SLC25A13: variants seen among roughly 807,000 people sequenced by gnomAD.
The protein encoded by SLC25A13 is solute carrier family 25 member 13.
A neutral mutation model predicts 85.5 loss-of-function variants in SLC25A13; 70 were observed. The observed-to-expected ratio is 0.82, with a 90% CI of 0.68 to 1.00. SLC25A13 has a LOEUF of 1.00. SLC25A13 is among the 50% of genes least tolerant of loss of function. SLC25A13 has a pLI of 0.00. For missense variants in SLC25A13, 765 were observed against 819.8 expected (o/e 0.93, Z 0.82); for synonymous variants, 259 against 288.7 (o/e 0.90, Z 1.04).
At chr7:96,121,817 TA>T in intron 16 of SLC25A13, 21 bp downstream of exon 16, 1 of 1,614,176 alleles carries the variant, frequency 6.2e-7, no homozygotes, top group Non-Finnish European at 8.5e-7. Flanking sequence ...AAGAGTTAGT[TA>T]AGAACACATT....
chr7:96,322,055 G>T lies in SLC25A13; in HGVS notation c.-99C>A, dbSNP rs972820304. ...TTCTAGTCCCGGCGGCGGCGGCGGTGGGGGCGGCGATACGGCCAGGCAGCG... is the reference window on the plus strand; with the variant it reads ...TTCTAGTCCCGGCGGCGGCGGCGGTTGGGGCGGCGATACGGCCAGGCAGCG... On this transcript the variant is annotated 5_prime_UTR_variant, in exon 1 of 18. Transcript: ENST00000265631. 2.0e-5 allele frequency: 30 copies of T among 1,475,462 alleles called. No homozygotes were observed. The highest frequency in any genetic ancestry group is 2.4e-5 in the Non-Finnish European group (26 of 1,097,598). 91.4% of individuals were successfully genotyped at this position (1,475,462 alleles called of 1,614,324 possible).
At chr7:96,151,857 A>G (rs1793062989) in intron 13 of SLC25A13, among the ~76,000 whole-genome samples, 1 of 151,890 alleles carries the variant, frequency 6.6e-6, no homozygotes, top group Admixed American at 6.5e-5. Context: ...AGGCAGGAGA[A>G]TCACTTGATC....
chr7:96,202,812 T>G (rs1194241748), intron 5 of SLC25A13, among the ~76,000 whole-genome samples: 1 of 152,096 alleles, frequency 6.6e-6, no homozygotes, highest in Admixed American at 6.5e-5. Flanking sequence ...CTCTTCTTCT[T>G]GTACTCCCTA....
chr7:96,129,632 C>T lies in SLC25A13; in HGVS notation c.1591+2111G>A, dbSNP rs560458925. On this transcript the variant is annotated intron_variant, in intron 15 of 17. Coordinates refer to ENST00000265631, the MANE Select transcript of SLC25A13 (RefSeq NM_014251.3). Reference sequence around the variant, plus strand: ...ATGTAATAAAATTACTATTATGGAACATTTTTGAATACTTACTATATATCA... The same window carrying T: ...ATGTAATAAAATTACTATTATGGAATATTTTTGAATACTTACTATATATCA... 1.1e-4 allele frequency among the ~76,000 whole-genome samples: 17 copies of T among 152,282 alleles called. 1 individual carries two copies. In the East Asian group the frequency reaches 1.2e-3, roughly 10 times the overall value.
chr7:96,251,694 G>A (rs545873668), intron 3 of SLC25A13, among the ~76,000 whole-genome samples: 8 of 152,292 alleles, frequency 5.3e-5, no homozygotes, highest in African/African-American at 1.9e-4. Flanking sequence ...TGAACTGATT[G>A]AGTCGTACTA....
intron 4 of SLC25A13, among the ~76,000 whole-genome samples, chr7:96,216,809 T>G (rs963502288): frequency 4.6e-5 from 7 of 151,896 alleles, no homozygotes; most frequent in Non-Finnish European, 8.8e-5. Context: ...AGGCTTAATA[T>G]CTGAGTGATG....
rs1036352252 is a variant in SLC25A13, at chr7:96,161,276, T to C, written c.1311+8769A>G. On this transcript the variant is annotated intron_variant, in intron 13 of 17. Transcript: ENST00000265631. ...CTATTACTGGGTGATCATGGAATAC[T>C]TTCTTGTGAAATATCCTGGATATGC... Among the ~76,000 whole-genome samples, 3 of 152,324 alleles carry C rather than the reference T, an allele frequency of 2.0e-5. No individual in the cohort carries two copies. The South Asian group carries it at 6.2e-4, about 32-fold the overall frequency.
intron 2 of SLC25A13, among the ~76,000 whole-genome samples, chr7:96,288,996 G>A (rs1329432620): frequency 6.6e-6 from 1 of 152,180 alleles, no homozygotes; most frequent in Non-Finnish European, 1.5e-5. Flanking sequence ...GCCTAACTGG[G>A]AGGCGCCCCC....
chr7:96,275,795 G>A (rs1798425701), intron 3 of SLC25A13, among the ~76,000 whole-genome samples: 1 of 152,138 alleles, frequency 6.6e-6, no homozygotes, highest in African/African-American at 2.4e-5. Context: ...TAAACGACGA[G>A]TTGACGGGTG....
intron 11 of SLC25A13, among the ~76,000 whole-genome samples, chr7:96,183,539 T>C (rs143868554): frequency 6.6e-6 from 1 of 152,208 alleles, no homozygotes; most frequent in Non-Finnish European, 1.5e-5. Context: ...TTTTAACTGA[T>C]GCAGAAACAC....
Position 96,193,258 on chromosome 7 carries a change from A to G in SLC25A13, c.469-75T>C, listed in dbSNP as rs1309112194. ...TTACTACAAATGACAGTTCATTTTA[A>G]AATCAGACTGAAGAAAGAGAGTTTA... On this transcript the variant is annotated intron_variant, in intron 5 of 17. Coordinates refer to ENST00000265631, the MANE Select transcript of SLC25A13 (RefSeq NM_014251.3). 1.8e-5 allele frequency: 28 copies of G among 1,550,556 alleles called. No individual in the cohort carries two copies. The Middle Eastern group carries it at 6.7e-4, about 37-fold the overall frequency.
chr7:96,258,770 A>T (rs1347395504), intron 3 of SLC25A13, among the ~76,000 whole-genome samples: 1 of 152,190 alleles, frequency 6.6e-6, no homozygotes, highest in Non-Finnish European at 1.5e-5. Context: ...AATCCTAAGC[A>T]ACAAGAACAA....
intron 6 of SLC25A13, among the ~76,000 whole-genome samples, chr7:96,192,087 G>A (rs1794876035): frequency 6.6e-6 from 1 of 152,042 alleles, no homozygotes; most frequent in Non-Finnish European, 1.5e-5. Flanking sequence ...AGTAGAGAAG[G>A]GGGCGCCCAA....
chr7:96,208,879 T>C lies in SLC25A13; in HGVS notation c.427A>G (p.Lys143Glu). The C allele has an allele frequency of 6.2e-7, 1 of 1,614,154 alleles. No individual in the cohort carries two copies. Among genetic ancestry groups the C allele is most frequent in the Non-Finnish European group, 8.5e-7 (1 of 1,180,020 alleles). ...AATTCCGCATATGTCAGGTGTCTTT[T>C]TCTTTCTTTTCCAAAATGTAGTTGC... ...FVQLHFGKER[K>E]RHLTYAEFTQ... Residue 143 changes from lysine (K) to glutamate (E), a missense_variant, in exon 5 of 18, where the codon AAA becomes GAA. Physicochemically the swap from Lys to Glu is moderately conservative, Grantham distance 56 (BLOSUM62 1). Coordinates refer to ENST00000265631, the MANE Select transcript of SLC25A13 (RefSeq NM_014251.3).
Position 96,295,869 on chromosome 7 carries a change from T to C in SLC25A13, c.69+1029A>G, listed in dbSNP as rs146206699. On this transcript the variant is annotated intron_variant, in intron 2 of 17. Coordinates refer to ENST00000265631, the MANE Select transcript of SLC25A13 (RefSeq NM_014251.3). Reference sequence around the variant, plus strand: ...ATATTAATATATGTTATTAATAATATATCATATATGTGTGTGTATATATAC... The same window carrying C: ...ATATTAATATATGTTATTAATAATACATCATATATGTGTGTGTATATATAC... Among the ~76,000 whole-genome samples, 760 of 150,982 alleles carry C rather than the reference T, an allele frequency of 5.0e-3. 8 individuals carry two copies. The highest frequency in any genetic ancestry group is 0.018 in the African/African-American group (734 of 41,204).
intron 3 of SLC25A13, among the ~76,000 whole-genome samples, chr7:96,236,062 C>T (rs1353404465): frequency 6.6e-6 from 1 of 152,156 alleles, no homozygotes; most frequent in African/African-American, 2.4e-5. Context: ...TACTTCTAAA[C>T]ATCCTATAGA....
At chr7:96,143,232 T>C (rs1031588338) in intron 14 of SLC25A13, among the ~76,000 whole-genome samples, 1 of 152,210 alleles carries the variant, frequency 6.6e-6, no homozygotes, top group African/African-American at 2.4e-5. Flanking sequence ...TAAGTTTCAT[T>C]CCATTCCTAA....
At chr7:96,206,169 T>C (rs1312359611) in intron 5 of SLC25A13, among the ~76,000 whole-genome samples, 1 of 152,192 alleles carries the variant, frequency 6.6e-6, no homozygotes, top group East Asian at 1.9e-4. Context: ...TTCCTCATCA[T>C]GTGACAGGTA....
chr7:96,227,584 T>C (rs1236976175), intron 4 of SLC25A13, among the ~76,000 whole-genome samples: 2 of 152,174 alleles, frequency 1.3e-5, no homozygotes, highest in Admixed American at 6.5e-5. Flanking sequence ...TATACAATAA[T>C]GTAAAAAGAA....
Sources: gnomAD v4.1 joint callset for allele counts (sites outside exome capture counted in the v4.1 genomes callset) on GRCh38, gnomAD v4.1.1 for gene constraint, MANE v1.5 for transcripts, NCBI Gene and HGNC (gene_info 2026-07-23, HGNC 2026-07-21) for gene names.